The following APAF1 variants were observed in gnomAD, a reference collection of about 807,000 sequenced individuals.
The protein encoded by APAF1 is apoptotic protease-activating factor 1.
In APAF1, 91 loss-of-function variants were observed where a neutral mutation model predicts 152.4. The ratio of observed to expected loss-of-function variants is 0.60; its 90% confidence interval spans 0.50 to 0.71. The LOEUF is 0.71. APAF1 is among the 30% of genes least tolerant of loss of function. The pLI is 0.00. For synonymous variants in APAF1, 484 were observed against 494.1 expected (o/e 0.98, Z 0.27); for missense variants, 1,283 against 1,472.0 (o/e 0.87, Z 2.10).
At position 98,665,273 on chromosome 12, in the gene APAF1, TA is replaced by T. The variant is rs1269968368; in HGVS notation, c.956-279del. 7.2e-3 allele frequency among the ~76,000 whole-genome samples: 756 copies of T among 105,246 alleles called. 11 individuals are homozygous for T. Among genetic ancestry groups the T allele is most frequent in the Middle Eastern group, 0.017 (4 of 230 alleles). The allele number at this position is 105,246 out of a possible 152,430, so 69.0% of individuals were successfully genotyped here. A position where few individuals can be genotyped will look rare whatever the true frequency, so the allele number is the denominator to read the frequency against. On this transcript the variant is annotated intron_variant, in intron 7 of 26. Transcript: ENST00000551964. ...ACTGGCGCATATATATATATATATATATATATTTTTTTTTTTTTTTGTAATG... is the reference window on the plus strand; with the variant it reads ...ACTGGCGCATATATATATATATATATTATATTTTTTTTTTTTTTTGTAATG...
chr12:98,670,805 C>T (rs887877300), intron 10 of APAF1, 168 bp from the exon 11 acceptor site: 12 of 509,810 alleles, frequency 2.4e-5, no homozygotes, highest in African/African-American at 1.9e-4. Context: ...GTATGAGGCC[C>T]ATTTTATGTT....
intron 26 of APAF1, 150 bp from the exon 27 acceptor site, chr12:98,732,270 A>G (rs1360168189): frequency 2.8e-6 from 2 of 707,648 alleles, no homozygotes; most frequent in Non-Finnish European, 2.5e-6. Context: ...CAGGTTGAAT[A>G]GTATATTCAG....
In APAF1 at chr12:98,686,567, G is replaced by A. The variant is rs138431329; in HGVS notation, c.2179-181G>A. On this transcript the variant is annotated intron_variant, in intron 15 of 26. Transcript: ENST00000551964. Reference sequence around the variant, plus strand: ...CGATTTACATGCTGATCTAAAGGCTGCCCCATTGCTTGTTAATCACAAGTT... The same window carrying A: ...CGATTTACATGCTGATCTAAAGGCTACCCCATTGCTTGTTAATCACAAGTT... 1.9e-4 allele frequency among the ~76,000 whole-genome samples: 29 copies of A among 152,288 alleles called. 1 individual carries two copies. The East Asian group carries it at 2.5e-3, about 13-fold the overall frequency.
rs766220748 is a variant in APAF1 at position 98,649,642 on chromosome 12, G to C, written c.484G>C (p.Val162Leu). ...TGGAATGGCAGGCTGTGGGAAGTCT[G>C]TATTAGCTGCAGAAGCTGTTAGAGA... The part of the protein sequence containing the change: ...IHGMAGCGKS[V>L]LAAEAVRDHS... The change falls in exon 4 of 27, where the codon GTA (valine) becomes CTA (leucine). Residue 162 changes from valine (V) to leucine (L), a missense_variant. Coordinates refer to ENST00000551964, the MANE Select transcript of APAF1 (RefSeq NM_181861.2). 3.1e-6 allele frequency: 5 copies of C among 1,614,024 alleles called. No individual in the cohort carries two copies. Among genetic ancestry groups the C allele is most frequent in the Non-Finnish European group, 4.2e-6 (5 of 1,180,014 alleles).
In APAF1 at chr12:98,691,044, T is replaced by G. The variant is rs2153329238; in HGVS notation, c.2304+4171T>G. Among the ~76,000 whole-genome samples, 3 of 152,092 alleles carry G rather than the reference T, an allele frequency of 2.0e-5. No homozygotes were observed. In the South Asian group the frequency reaches 6.2e-4, roughly 32 times the overall value. On this transcript the variant is annotated intron_variant, in intron 16 of 26. Transcript: ENST00000551964. ...CAACATGGTGAAACCCCGTCTCTAC[T>G]AAAAATACAAAAATTAGCTGGGCGT...
chr12:98,716,095 T>C (rs947313891), intron 22 of APAF1, among the ~76,000 whole-genome samples: 29 of 152,206 alleles, frequency 1.9e-4, no homozygotes, highest in African/African-American at 5.8e-4. Context: ...ACAAGACTTA[T>C]TATGAAAAAC....
intron 16 of APAF1, among the ~76,000 whole-genome samples, chr12:98,695,362 CT>C (rs1555219354): frequency 1.3e-3 from 184 of 141,672 alleles, no homozygotes; most frequent in Middle Eastern, 3.9e-3. Flanking sequence ...CGCCCCCCCC[CT>C]TTTTTTTTTT....
intron 4 of APAF1, among the ~76,000 whole-genome samples, chr12:98,656,961 T>A (rs2097658540): frequency 6.6e-6 from 1 of 152,204 alleles, no homozygotes; most frequent in Non-Finnish European, 1.5e-5. Context: ...AACCTTCCTC[T>A]TATGCTCTTT....
rs1199651741 is a variant in APAF1, at chr12:98,699,703, C to A, written c.2466+134C>A. 1.3e-5 allele frequency: 13 copies of A among 967,380 alleles called. No individual in the cohort carries two copies. The Admixed American group carries it at 2.5e-4, about 18-fold the overall frequency. 59.9% of individuals were successfully genotyped at this position (967,380 alleles called of 1,614,324 possible). A position where few individuals can be genotyped will look rare whatever the true frequency, so the allele number is the denominator to read the frequency against. Reference sequence around the variant, plus strand: ...ATTTTGGGCAGTCTTCCTAACCTGTCATGGTTCTTTGGAACTGTGCTCCGT... The same window carrying A: ...ATTTTGGGCAGTCTTCCTAACCTGTAATGGTTCTTTGGAACTGTGCTCCGT... On this transcript the variant is annotated intron_variant, in intron 17 of 26. Coordinates refer to ENST00000551964, the MANE Select transcript of APAF1 (RefSeq NM_181861.2).
rs577576897 is a variant in APAF1 at position 98,678,411 on chromosome 12, C to T, written c.1920+860C>T. On this transcript the variant is annotated intron_variant, in intron 13 of 26. Transcript: ENST00000551964. ...TAGCTGGGGACAAGCAGGAACCCTA[C>T]CCCTTCTGAATTGGGGCAGGAGCTC... Among the ~76,000 whole-genome samples, 264 of 152,346 alleles carry T rather than the reference C, an allele frequency of 1.7e-3. 3 individuals are homozygous for T. The highest frequency in any genetic ancestry group is 3.1e-3 in the Admixed American group (47 of 15,308).
intron 10 of APAF1, among the ~76,000 whole-genome samples, chr12:98,670,105 CG>C: frequency 6.6e-6 from 1 of 152,054 alleles, no homozygotes; most frequent in East Asian, 1.9e-4. Context: ...CCACCACACC[CG>C]GCTAATTTTT....
At chr12:98,666,161 G>A in intron 8 of APAF1, 29 bp from the exon 9 acceptor site, 1 of 1,606,644 alleles carries the variant, frequency 6.2e-7, no homozygotes. Context: ...TACTTTTGTG[G>A]CATATTAAAT....
chr12:98,667,700 T>G (rs2097674888), intron 10 of APAF1, 56 bp downstream of exon 10: 1 of 1,546,714 alleles, frequency 6.5e-7, no homozygotes, highest in African/African-American at 1.4e-5. Flanking sequence ...CCATATGTAT[T>G]ACAAATAAGT....
intron 5 of APAF1, among the ~76,000 whole-genome samples, chr12:98,661,099 C>A (rs571338971): frequency 6.6e-6 from 1 of 152,254 alleles, no homozygotes; most frequent in Non-Finnish European, 1.5e-5. Context: ...GATGAGGTTT[C>A]ACCGTGTTAA....
At chr12:98,677,793 C>A (rs2097688155) in intron 13 of APAF1, among the ~76,000 whole-genome samples, 1 of 152,144 alleles carries the variant, frequency 6.6e-6, no homozygotes, top group Non-Finnish European at 1.5e-5. Flanking sequence ...CAGTTCCCAG[C>A]CATCCATTTG....
chr12:98,653,719 T>TATATAGATATAG (rs1555213973), intron 4 of APAF1, among the ~76,000 whole-genome samples: 1 of 108,226 alleles, frequency 9.2e-6, no homozygotes, highest in African/African-American at 3.8e-5. Context: ...TATATATATA[T>TATATAGATATAG]ATATAGTTTT....
chr12:98,682,699 A>G (rs1039924496), intron 14 of APAF1, among the ~76,000 whole-genome samples: 2 of 152,200 alleles, frequency 1.3e-5, no homozygotes, highest in Non-Finnish European at 2.9e-5. Context: ...AGGTATAGAT[A>G]TCCCCATTTT....
intron 21 of APAF1, among the ~76,000 whole-genome samples, chr12:98,714,583 T>C (rs1431966232): frequency 1.3e-5 from 2 of 152,216 alleles, no homozygotes; most frequent in Non-Finnish European, 2.9e-5. Flanking sequence ...TCAACTGTTA[T>C]GCTATCCTGC....
intron 12 of APAF1, among the ~76,000 whole-genome samples, chr12:98,676,666 A>G (rs1474353872): frequency 2.0e-5 from 2 of 99,560 alleles, no homozygotes; most frequent in Non-Finnish European, 2.1e-5. Context: ...TTTTTTTTTG[A>G]AATGGAGTCT....
Sources: allele counts gnomAD v4.1 joint callset (sites outside exome capture counted in the v4.1 genomes callset), GRCh38; gene constraint gnomAD v4.1.1; transcripts MANE v1.5; gene names NCBI Gene and HGNC (gene_info 2026-07-23, HGNC 2026-07-21).